The following STOX1 variants were observed in gnomAD, a reference collection of about 807,000 sequenced individuals.
STOX1 encodes storkhead-box protein 1.
Under a neutral mutation model 74.8 loss-of-function variants are expected in STOX1, and 57 were observed. That is an observed-to-expected ratio of 0.76 (90% CI 0.62 to 0.95). The LOEUF (loss-of-function observed/expected upper bound fraction) is 0.95. STOX1 is among the 40% of genes least tolerant of loss of function. The pLI, the probability that STOX1 is intolerant of heterozygous loss-of-function variation, is 0.00. For missense variants in STOX1, 1,010 were observed against 1,117.0 expected, an observed-to-expected ratio of 0.90 and a Z score of 1.37; for synonymous variants, 375 against 401.3, an observed-to-expected ratio of 0.93 and a Z score of 0.78.
At position 68,886,079 on chromosome 10, in the gene STOX1, A is replaced by G. The variant is rs749817106; in HGVS notation, c.2283A>G (p.Thr761=). 14 of 1,614,212 alleles carry G rather than the reference A, an allele frequency of 8.7e-6. No individual in the cohort carries two copies. Among genetic ancestry groups the G allele is most frequent in the Non-Finnish European group, 1.1e-5 (13 of 1,180,038 alleles). Residue 761 remains threonine (T), a synonymous_variant, in exon 3 of 4, where the codon ACA becomes ACG. Coordinates refer to ENST00000298596, the MANE Select transcript of STOX1 (RefSeq NM_152709.5). The part of the protein sequence containing the change: ...MLPGHSQYSF[T]GGSQGNHLGK... ...CTGGCCACAGTCAGTATTCCTTCAC[A>G]GGTGGAAGCCAGGGAAATCATTTAG... is the stretch of plus-strand genomic sequence containing the variant.
chr10:68,885,802 T>C lies in STOX1; in HGVS notation c.2006T>C (p.Leu669Pro), dbSNP rs762208307. The change falls in exon 3 of 4, where the codon CTT (leucine) becomes CCT (proline). Residue 669 changes from leucine to proline, a missense_variant. Coordinates refer to ENST00000298596, the MANE Select transcript of STOX1 (RefSeq NM_152709.5). ...AACACAATACACCAGTTTCAAAATC[T>C]TGGCCTTTTGGATTACCCAGTTGGC... ...VDNTIHQFQNLGLLDYPVGVN... is the reference protein window; with the variant it reads ...VDNTIHQFQNPGLLDYPVGVN... 4.3e-6 allele frequency: 7 copies of C among 1,613,946 alleles called. No homozygotes were observed. Among genetic ancestry groups the C allele is most frequent in the Admixed American group, 1.7e-5 (1 of 59,998 alleles).
At chr10:68,877,183 C>T (rs1259920283) in intron 1 of STOX1, among the ~76,000 whole-genome samples, 2 of 152,096 alleles carry the variant, frequency 1.3e-5, no homozygotes, top group Non-Finnish European at 1.5e-5. Flanking sequence ...GTGAAGTTTA[C>T]ATTTAGTTGT....
At position 68,861,514 on chromosome 10, in the gene STOX1, G is replaced by T. The variant is rs1375312729; in HGVS notation, c.311-20444G>T. Among the ~76,000 whole-genome samples the T allele has an allele frequency of 2.0e-4, 31 of 152,142 alleles. 1 individual carries two copies. The highest frequency in any genetic ancestry group is 2.0e-3 in the Admixed American group (31 of 15,278). ...CATGAGCATGTCACAGTGCTGTGGA[G>T]ATCTTGTTTATGACCAGTCTTGAGG... On this transcript the variant is annotated intron_variant, in intron 1 of 3. Transcript: ENST00000298596.
At chr10:68,889,189 C>T (rs978256795) in intron 3 of STOX1, among the ~76,000 whole-genome samples, 1 of 152,176 alleles carries the variant, frequency 6.6e-6, no homozygotes, top group Non-Finnish European at 1.5e-5. Flanking sequence ...CCAGTCTGGT[C>T]TCGAACTCCT....
intron 1 of STOX1, among the ~76,000 whole-genome samples, chr10:68,846,406 C>T (rs1169891271): frequency 5.9e-5 from 9 of 152,036 alleles, no homozygotes; most frequent in Non-Finnish European, 8.8e-5. Flanking sequence ...TGCCCCGGCC[C>T]CCCAAAGTCC....
chr10:68,876,431 C>G (rs185475307), intron 1 of STOX1, among the ~76,000 whole-genome samples: 1 of 152,168 alleles, frequency 6.6e-6, no homozygotes, highest in Non-Finnish European at 1.5e-5. Context: ...GCTGGGATTA[C>G]AGGCATGAGC....
Position 68,884,898 on chromosome 10 carries a change from AT to A in STOX1, c.1106del (p.Leu369Ter). 48 of 1,614,124 alleles carry A rather than the reference AT, an allele frequency of 3.0e-5. No individual in the cohort carries two copies. The highest frequency in any genetic ancestry group is 4.1e-5 in the Non-Finnish European group (48 of 1,180,002). ...EHEIIKRINPILTVDNLIKHT... is the reference protein window; with the variant it reads ...EHEIIKRINPXLTVDNLIKHT... The stretch of plus-strand genomic sequence containing the variant: ...TGAGATAATCAAACGAATTAACCCC[AT>A]TTTGACTGTTGACAATTTAATCAAA... On this transcript the variant is annotated frameshift_variant, in exon 3 of 4. Transcript: ENST00000298596. LOFTEE classifies it high-confidence loss of function.
At chr10:68,873,665 T>A (rs2066288) in intron 1 of STOX1, among the ~76,000 whole-genome samples, 11 of 129,496 alleles carry the variant, frequency 8.5e-5, no homozygotes, top group South Asian at 2.4e-4. Flanking sequence ...TTTTTTTTTT[T>A]CTTTTTTTTG....
rs1257682474 is a variant in STOX1 at position 68,872,074 on chromosome 10, C to T, written c.311-9884C>T. On this transcript the variant is annotated intron_variant, in intron 1 of 3. Transcript: ENST00000298596. ...TTGCACGCTGTTGTCATCCCTAATG[C>T]GCATAGAAGATACCTTTCCCACAGT... Among the ~76,000 whole-genome samples the T allele has an allele frequency of 8.6e-5, 13 of 152,008 alleles. 1 individual carries two copies. In the East Asian group the frequency reaches 1.5e-3, roughly 18 times the overall value.
At chr10:68,829,844 A>G (rs1188118764) in intron 1 of STOX1, among the ~76,000 whole-genome samples, 1 of 152,206 alleles carries the variant, frequency 6.6e-6, no homozygotes, top group Non-Finnish European at 1.5e-5. Flanking sequence ...TGAGCCAAGT[A>G]GCCAAGCCAA....
Position 68,885,932 on chromosome 10 carries a change from G to C in STOX1, c.2136G>C (p.Gln712His). The C allele has an allele frequency of 6.2e-7, 1 of 1,614,196 alleles. No homozygotes were observed. The highest frequency in any genetic ancestry group is 8.5e-7 in the Non-Finnish European group (1 of 1,180,040). The change falls in exon 3 of 4, where the codon CAG (glutamine) becomes CAC (histidine). Residue 712 changes from glutamine (Q) to histidine (H), a missense_variant. Gln to His is a conservative substitution (Grantham distance 24, BLOSUM62 0). Transcript: ENST00000298596. ...AGACTACAAGCCTAGAAAATGAACA[G>C]CTTTCTAACGATGACCAGGCCTTGT... is the stretch of plus-strand genomic sequence containing the variant. ...DAETTSLENEQLSNDDQALYQ... is the reference protein window; with the variant it reads ...DAETTSLENEHLSNDDQALYQ...
rs185282305 is a variant in STOX1 at position 68,891,978 on chromosome 10, G to A, written c.2823-611G>A. 5.1e-3 allele frequency among the ~76,000 whole-genome samples: 767 copies of A among 151,824 alleles called. 12 individuals carry two copies. The highest frequency in any genetic ancestry group is 0.049 in the South Asian group (236 of 4,784). On this transcript the variant is annotated intron_variant, in intron 3 of 3. Transcript: ENST00000298596. ...TGAGATTACAGGTGTGCACCAGCATGCCTGGCTAATTTTTGTATTTTTAGT... is the reference window on the plus strand; with the variant it reads ...TGAGATTACAGGTGTGCACCAGCATACCTGGCTAATTTTTGTATTTTTAGT...
intron 1 of STOX1, among the ~76,000 whole-genome samples, chr10:68,867,952 T>G (rs1840449602): frequency 6.6e-6 from 1 of 152,020 alleles, no homozygotes; most frequent in Non-Finnish European, 1.5e-5. Context: ...ATAAGCCTCA[T>G]GCCTGTTCGA....
At chr10:68,860,307 C>T (rs1840232516) in intron 1 of STOX1, among the ~76,000 whole-genome samples, 1 of 151,218 alleles carries the variant, frequency 6.6e-6, no homozygotes. Flanking sequence ...CATGGTGGCT[C>T]ACACCTGTAA....
At chr10:68,833,319 C>T (rs1288446314) in intron 1 of STOX1, among the ~76,000 whole-genome samples, 1 of 152,014 alleles carries the variant, frequency 6.6e-6, no homozygotes, top group Non-Finnish European at 1.5e-5. Context: ...GAACTCCCGA[C>T]CTCAGTTGAT....
chr10:68,875,160 G>C (rs539396933), intron 1 of STOX1, among the ~76,000 whole-genome samples: 1 of 152,212 alleles, frequency 6.6e-6, no homozygotes, highest in African/African-American at 2.4e-5. Flanking sequence ...TCAGGGCGCA[G>C]GTCTTGTCAA....
rs150290652 is a variant in STOX1 at position 68,852,082 on chromosome 10, C to T, written c.310+24149C>T. ...CTGGGATGTGGAGGTTGCAGGGAGC[C>T]GAGATTGTGCCACCGCACTCCAGCC... On this transcript the variant is annotated intron_variant, in intron 1 of 3. Transcript: ENST00000298596. Among the ~76,000 whole-genome samples, 974 of 151,606 alleles carry T rather than the reference C, an allele frequency of 6.4e-3. 15 individuals carry two copies. Among genetic ancestry groups the T allele is most frequent in the African/African-American group, 0.022 (911 of 41,316 alleles).
At chr10:68,837,486 A>G (rs2133497843) in intron 1 of STOX1, among the ~76,000 whole-genome samples, 1 of 152,346 alleles carries the variant, frequency 6.6e-6, no homozygotes, top group African/African-American at 2.4e-5. Flanking sequence ...ACTGAAGAGT[A>G]TTATGCAATA....
intron 1 of STOX1, among the ~76,000 whole-genome samples, chr10:68,879,777 G>A (rs1840765629): frequency 6.6e-6 from 1 of 152,072 alleles, no homozygotes; most frequent in Non-Finnish European, 1.5e-5. Flanking sequence ...AGACATTTTT[G>A]GTTGCTGCAA....
Sources: gnomAD v4.1 joint callset for allele counts (sites outside exome capture counted in the v4.1 genomes callset) on GRCh38, gnomAD v4.1.1 for gene constraint, MANE v1.5 for transcripts, NCBI Gene and HGNC (gene_info 2026-07-23, HGNC 2026-07-21) for gene names.